The following MEIOB variants were observed in gnomAD, a reference collection of about 807,000 sequenced individuals.
MEIOB encodes the protein meiosis specific with OB-fold.
A neutral mutation model predicts 53.1 loss-of-function variants in MEIOB; 50 were observed. That is an observed-to-expected ratio of 0.94 (90% CI 0.75 to 1.19). The LOEUF is 1.19. Ranked by LOEUF, MEIOB falls within the 50% of genes most tolerant of loss-of-function variation. The pLI, the probability that MEIOB is intolerant of heterozygous loss-of-function variation, is 0.00. For synonymous variants in MEIOB, 192 were observed against 182.5 expected, an observed-to-expected ratio of 1.05 and a Z score of -0.42; for missense variants, 551 against 550.8, an observed-to-expected ratio of 1.00 and a Z score of 0.00.
At chr16:1,837,679 G>T in intron 13 of MEIOB, 105 bp downstream of exon 13, 3 of 597,224 alleles carry the variant, frequency 5.0e-6, no homozygotes, top group Non-Finnish European at 8.6e-6. Flanking sequence ...TGGGAACTGG[G>T]CATTAGAAAT....
At position 1,867,219 on chromosome 16, in the gene MEIOB, A is replaced by G. The variant is rs926928647; in HGVS notation, c.69+888T>C. Among the ~76,000 whole-genome samples the G allele has an allele frequency of 5.8e-4, 88 of 152,180 alleles. 2 individuals carry two copies. Among genetic ancestry groups the G allele is most frequent in the Non-Finnish European group, 2.1e-4 (14 of 68,038 alleles). ...AAGGGTGTGTGGTAGCTGCTTTACA[A>G]TAAGTTCTTTAACTTATAAGATGAT... On this transcript the variant is annotated intron_variant, in intron 2 of 13. Transcript: ENST00000325962.
intron 3 of MEIOB, among the ~76,000 whole-genome samples, chr16:1,864,159 T>TA (rs1390967682): frequency 2.0e-5 from 3 of 152,002 alleles, no homozygotes; most frequent in Non-Finnish European, 2.9e-5. Flanking sequence ...CTCAAATTTT[T>TA]AAAAAAAGTA....
chr16:1,870,759 C>A (rs1401456107), intron 1 of MEIOB, among the ~76,000 whole-genome samples: 1 of 152,186 alleles, frequency 6.6e-6, no homozygotes, highest in Non-Finnish European at 1.5e-5. Context: ...TTCATTCGTT[C>A]TTTGGCCTGG....
chr16:1,836,785 C>T (rs1299253916), intron 13 of MEIOB, among the ~76,000 whole-genome samples: 1 of 152,148 alleles, frequency 6.6e-6, no homozygotes, highest in Non-Finnish European at 1.5e-5. Context: ...CTCATCAGCA[C>T]GCAATGTTTT....
intron 6 of MEIOB, among the ~76,000 whole-genome samples, chr16:1,856,725 G>A (rs1362820168): frequency 1.3e-5 from 2 of 148,610 alleles, no homozygotes; most frequent in South Asian, 2.1e-4. Flanking sequence ...CTCCCAAAGT[G>A]CTAGGATTAC....
chr16:1,853,654 T>G (rs1469083957), intron 7 of MEIOB, among the ~76,000 whole-genome samples: 1 of 152,218 alleles, frequency 6.6e-6, no homozygotes, highest in African/African-American at 2.4e-5. Flanking sequence ...AAGACATTTT[T>G]GAAATCAGTT....
In MEIOB at chr16:1,868,085, TCAC is replaced by T. The variant is rs1423755884; in HGVS notation, c.69+19_69+21del. On this transcript the variant is annotated intron_variant, in intron 2 of 13. Transcript: ENST00000325962. ...ACATAAAATGTCATCAGTAAGCAAATCACCACATTATTGAAACCTACCAGATTA... is the reference window on the plus strand; with the variant it reads ...ACATAAAATGTCATCAGTAAGCAAATCACATTATTGAAACCTACCAGATTA... 3.8e-6 allele frequency: 5 copies of T among 1,315,298 alleles called. No individual in the cohort carries two copies. In the Admixed American group the frequency reaches 6.2e-5, roughly 16 times the overall value. The allele number at this position is 1,315,298 out of a possible 1,614,324, so 81.5% of individuals were successfully genotyped here. A position where few individuals can be genotyped will look rare whatever the true frequency, so the allele number is the denominator to read the frequency against.
chr16:1,849,717 C>T (rs572757909), intron 9 of MEIOB, among the ~76,000 whole-genome samples: 9 of 152,030 alleles, frequency 5.9e-5, no homozygotes, highest in Admixed American at 2.6e-4. Context: ...TGCATTCTCG[C>T]GAGTATTCTC....
chr16:1,869,927 A>G (rs1428649150), intron 1 of MEIOB, among the ~76,000 whole-genome samples: 1 of 144,238 alleles, frequency 6.9e-6, no homozygotes, highest in East Asian at 2.1e-4. Flanking sequence ...GATGGAGTGC[A>G]GTGGCACGAT....
chr16:1,870,960 C>G lies in MEIOB; in HGVS notation c.-10+1033G>C, dbSNP rs555506536. Among the ~76,000 whole-genome samples the G allele has an allele frequency of 1.4e-4, 22 of 152,094 alleles. 2 individuals are homozygous for G. The highest frequency in any genetic ancestry group is 6.6e-4 in the Admixed American group (10 of 15,254). On this transcript the variant is annotated intron_variant, in intron 1 of 13. Coordinates refer to ENST00000325962, the MANE Select transcript of MEIOB (RefSeq NM_001163560.3). ...TGTACAAACACAACTACCTACACACCAAGGGATTTCTCCACATTTTTACCC... is the reference window on the plus strand; with the variant it reads ...TGTACAAACACAACTACCTACACACGAAGGGATTTCTCCACATTTTTACCC...
Position 1,872,147 on chromosome 16 carries a change from C to T in MEIOB, c.-164G>A, listed in dbSNP as rs1374608798. ...TCGTGCAGGTGCGACGGCCGCGCGA[C>T]CGTTAGCGCGAGGCCCCGCCCCGTC... On this transcript the variant is annotated 5_prime_UTR_variant, in exon 1 of 14. Coordinates refer to ENST00000325962, the MANE Select transcript of MEIOB (RefSeq NM_001163560.3). 1 of 152,076 alleles carries T rather than the reference C, an allele frequency of 6.6e-6. No individual in the cohort carries two copies. Among genetic ancestry groups the T allele is most frequent in the East Asian group, 2.0e-4 (1 of 5,070 alleles). 9.4% of individuals were successfully genotyped at this position (152,076 alleles called of 1,614,324 possible).
intron 6 of MEIOB, among the ~76,000 whole-genome samples, chr16:1,856,261 T>G (rs180814895): frequency 6.6e-6 from 1 of 151,714 alleles, no homozygotes; most frequent in Admixed American, 6.6e-5. Flanking sequence ...GTTCAAGTGA[T>G]TCTCCTGACT....
chr16:1,849,557 A>AAAAAAAAAAAAC (rs55765011), intron 9 of MEIOB, among the ~76,000 whole-genome samples: 2 of 150,532 alleles, frequency 1.3e-5, no homozygotes, highest in African/African-American at 2.4e-5. Context: ...AAAAAAAAAA[A>AAAAAAAAAAAAC]CACCTAGATG....
intron 11 of MEIOB, chr16:1,840,923 A>G (rs941159439): frequency 2.0e-5 from 3 of 151,952 alleles, no homozygotes; most frequent in African/African-American, 7.2e-5. Context: ...AAATCCATAG[A>G]GAGACTTTCC....
intron 5 of MEIOB, 87 bp from the exon 6 acceptor site, chr16:1,858,017 C>A: frequency 1.2e-6 from 1 of 833,800 alleles, no homozygotes; most frequent in Non-Finnish European, 1.8e-6. Context: ...CTACATTTTT[C>A]ATTGAAATTT....
chr16:1,846,019 T>A (rs62038433), intron 9 of MEIOB, among the ~76,000 whole-genome samples: 26,597 of 152,092 alleles, frequency 0.17, 2,452 homozygotes, highest in South Asian at 0.26. Flanking sequence ...GTCAAATCCT[T>A]GCCAGCACGC....
chr16:1,865,431 C>CAAAAA (rs375392458), intron 3 of MEIOB, among the ~76,000 whole-genome samples: 2 of 144,056 alleles, frequency 1.4e-5, no homozygotes, highest in African/African-American at 2.6e-5. Context: ...GCCTCCATCT[C>CAAAAA]AAAAAAAAAA....
At position 1,853,113 on chromosome 16, in the gene MEIOB, CTT is replaced by C. The variant is rs1899212024; in HGVS notation, c.702_703del (p.Arg235AsnfsTer4). 1.2e-6 allele frequency: 2 copies of C among 1,612,026 alleles called. No individual in the cohort carries two copies. Among genetic ancestry groups the C allele is most frequent in the Non-Finnish European group, 1.7e-6 (2 of 1,178,724 alleles). On this transcript the variant is annotated frameshift_variant, in exon 9 of 14. Coordinates refer to ENST00000325962, the MANE Select transcript of MEIOB (RefSeq NM_001163560.3). LOFTEE classifies it high-confidence loss of function. ...GTTCCGAAATTTGTCAAAATTTATT[CTT>C]ACATCTGAGGCAAATATTACTGTTT...
rs1898910861 is a variant in MEIOB at position 1,841,508 on chromosome 16, C to CT, written c.1034+311dup. Among the ~76,000 whole-genome samples, 3 of 152,122 alleles carry CT rather than the reference C, an allele frequency of 2.0e-5. No individual in the cohort carries two copies. The South Asian group carries it at 6.2e-4, about 31-fold the overall frequency. On this transcript the variant is annotated intron_variant, in intron 11 of 13. Transcript: ENST00000325962. ...AAATAATTTTTTTTTAATGCTGTCA[C>CT]TACATTGCTATAGGGCCTAGCAACC... is the stretch of plus-strand genomic sequence containing the variant.
Sources: allele counts gnomAD v4.1 joint callset (sites outside exome capture counted in the v4.1 genomes callset), GRCh38; gene constraint gnomAD v4.1.1; transcripts MANE v1.5; gene names NCBI Gene and HGNC (gene_info 2026-07-23, HGNC 2026-07-21).